The following NFASC variants were observed in gnomAD, a reference collection of about 807,000 sequenced individuals.
NFASC encodes neurofascin homolog.
In NFASC, 43 loss-of-function variants were observed where a neutral mutation model predicts 147.5. The observed-to-expected ratio is 0.29, with a 90% CI of 0.23 to 0.38. The LOEUF (loss-of-function observed/expected upper bound fraction) is 0.38. Ranked by LOEUF, NFASC falls within the 10% of genes least tolerant of loss-of-function variation. NFASC has a pLI of 1.00. For synonymous variants in NFASC, 622 were observed against 665.5 expected, an observed-to-expected ratio of 0.93 and a Z score of 1.01; for missense variants, 1,320 against 1,689.0, an observed-to-expected ratio of 0.78 and a Z score of 3.83.
intron 2 of NFASC, among the ~76,000 whole-genome samples, chr1:204,939,530 C>T (rs1031813163): frequency 6.6e-6 from 1 of 152,242 alleles, no homozygotes; most frequent in African/African-American, 2.4e-5. Flanking sequence ...CCTACCCCCT[C>T]TCCTCTACTT....
intron 2 of NFASC, among the ~76,000 whole-genome samples, chr1:204,933,875 C>T (rs927808710): frequency 1.1e-4 from 16 of 152,022 alleles, no homozygotes; most frequent in East Asian, 1.9e-4. Flanking sequence ...TGGTGACTCA[C>T]GCCTGTAATC....
intron 3 of NFASC, among the ~76,000 whole-genome samples, chr1:204,948,037 C>T (rs1052627498): frequency 1.2e-4 from 19 of 152,346 alleles, no homozygotes; most frequent in African/African-American, 4.6e-4. Flanking sequence ...CACTCACACA[C>T]CTCAATCACA....
chr1:204,837,541 T>C (rs1266195672), intron 1 of NFASC, among the ~76,000 whole-genome samples: 1 of 152,160 alleles, frequency 6.6e-6, no homozygotes, highest in South Asian at 2.1e-4. Context: ...AACAAGATTG[T>C]GGTGTTAGAA....
At position 204,987,860 on chromosome 1, in the gene NFASC, G is replaced by T. The variant is rs573708251; in HGVS notation, c.2593+320G>T. ...ACACGTACAGAGTCTAGGAGAGAGA[G>T]TTCCTCAAGCTCTGGAGCTTCCACC... On this transcript the variant is annotated intron_variant, in intron 22 of 29. Transcript: ENST00000339876. The surrounding 1 kb of genome is among the most constrained non-coding windows in gnomAD (Gnocchi z 4.4). Among the ~76,000 whole-genome samples the T allele has an allele frequency of 1.3e-5, 2 of 152,354 alleles. No homozygotes were observed. Among genetic ancestry groups the T allele is most frequent in the East Asian group, 3.9e-4 (2 of 5,184 alleles).
chr1:204,944,472 G>GCA, intron 3 of NFASC, 66 bp downstream of exon 3: 8 of 402,558 alleles, frequency 2.0e-5, no homozygotes, highest in African/African-American at 2.1e-5. Context: ...GGAGGGGAGG[G>GCA]AAGGTCAGAG....
intron 13 of NFASC, 65 bp from the exon 14 acceptor site, chr1:204,974,592 T>A (rs2095354478): frequency 6.4e-7 from 1 of 1,563,354 alleles, no homozygotes; most frequent in Admixed American, 1.7e-5. Flanking sequence ...CTTGATTGGC[T>A]GCTGCCCCTG....
At chr1:204,964,289 G>A (rs906941511) in intron 8 of NFASC, among the ~76,000 whole-genome samples, 4 of 152,208 alleles carry the variant, frequency 2.6e-5, no homozygotes, top group Non-Finnish European at 5.9e-5. Context: ...GCACATTCTC[G>A]ATACTTAACA....
intron 21 of NFASC, chr1:204,984,019 C>G: frequency 6.2e-7 from 1 of 1,600,944 alleles, no homozygotes; most frequent in Non-Finnish European, 8.6e-7. Context: ...TGTCCCAACA[C>G]ATTGCAGATC....
chr1:204,881,238 G>A (rs922891167), intron 1 of NFASC, among the ~76,000 whole-genome samples: 6 of 152,196 alleles, frequency 3.9e-5, no homozygotes, highest in Non-Finnish European at 7.3e-5. Context: ...AGATGCATCT[G>A]TTGAGCCACC....
At chr1:204,926,402 ATATATTTTTTTTTTT>A (rs2149508838) in intron 2 of NFASC, among the ~76,000 whole-genome samples, 1 of 10,766 alleles carries the variant, frequency 9.3e-5, no homozygotes, top group African/African-American at 2.3e-4. Context: ...ATATATATAT[ATATATTTTTTTTTTT>A]TTTTTTTTTT....
At chr1:204,951,870 C>T in intron 4 of NFASC, 141 bp from the exon 5 acceptor site, 1 of 618,214 alleles carries the variant, frequency 1.6e-6, no homozygotes, top group Non-Finnish European at 2.9e-6. Context: ...TAGAATGGGG[C>T]CCTGTTCACC....
intron 1 of NFASC, among the ~76,000 whole-genome samples, chr1:204,881,825 C>A (rs557071828): frequency 6.6e-6 from 1 of 152,160 alleles, no homozygotes; most frequent in Non-Finnish European, 1.5e-5. Context: ...TTAGCAAGAA[C>A]CCTGCTAAGT....
intron 1 of NFASC, among the ~76,000 whole-genome samples, chr1:204,894,013 T>A (rs2082919629): frequency 6.6e-6 from 1 of 152,228 alleles, no homozygotes; most frequent in South Asian, 2.1e-4. Flanking sequence ...GGACTTCAGT[T>A]ATAAAGGACC....
chr1:205,006,959 G>A (rs561275441), intron 27 of NFASC, among the ~76,000 whole-genome samples: 52 of 129,544 alleles, frequency 4.0e-4, no homozygotes, highest in African/African-American at 1.3e-3. Flanking sequence ...TGAGAGTTAA[G>A]GAGGTGGAGG....
chr1:204,870,448 G>A (rs923501438), intron 1 of NFASC, among the ~76,000 whole-genome samples: 18 of 152,196 alleles, frequency 1.2e-4, no homozygotes, highest in Admixed American at 2.0e-4. Flanking sequence ...CATGGAGGAC[G>A]TGTGCATGGG....
chr1:204,977,926 G>A (rs1209072972), intron 17 of NFASC, among the ~76,000 whole-genome samples: 1 of 152,154 alleles, frequency 6.6e-6, no homozygotes, highest in African/African-American at 2.4e-5. Context: ...TCCTTACAGG[G>A]TGAGCTCGGA....
At chr1:204,898,835 T>G (rs2083922718) in intron 1 of NFASC, among the ~76,000 whole-genome samples, 1 of 152,104 alleles carries the variant, frequency 6.6e-6, no homozygotes, top group African/African-American at 2.4e-5. Context: ...ACCCAGTCAT[T>G]TTGGAGGAGC....
At chr1:204,869,221 G>A (rs892930681) in intron 1 of NFASC, among the ~76,000 whole-genome samples, 8 of 152,128 alleles carry the variant, frequency 5.3e-5, no homozygotes, top group African/African-American at 1.7e-4. Flanking sequence ...GGTTGAAGAG[G>A]CATCACAACA....
chr1:204,895,083 C>T, intron 1 of NFASC, among the ~76,000 whole-genome samples: 1 of 152,130 alleles, frequency 6.6e-6, no homozygotes, highest in Admixed American at 6.6e-5. Context: ...AACTGAAAAC[C>T]TCTAGTCTAA....
Sources: gnomAD v4.1 joint callset for allele counts (sites outside exome capture counted in the v4.1 genomes callset) on GRCh38, gnomAD v4.1.1 for gene constraint, Gnocchi (gnomAD v3.1) non-coding constraint, MANE v1.5 for transcripts, NCBI Gene and HGNC (gene_info 2026-07-23, HGNC 2026-07-21) for gene names.